Variants in FUBP1 observed in about 807,000 individuals in gnomAD.
FUBP1 encodes far upstream element-binding protein 1.
A neutral mutation model predicts 94.9 loss-of-function variants in FUBP1; 16 were observed. The observed-to-expected ratio is 0.17, with a 90% CI of 0.11 to 0.26. The LOEUF is 0.26. Among genes scored for constraint, FUBP1 ranks in the 10% least tolerant of loss-of-function variants. The pLI is 1.00. For synonymous variants in FUBP1, 279 were observed against 254.9 expected (o/e 1.09, Z -0.90); for missense variants, 583 against 808.6 (o/e 0.72, Z 3.38).
At chr1:77,959,670 T>C (rs555630627) in intron 16 of FUBP1, among the ~76,000 whole-genome samples, 1 of 152,174 alleles carries the variant, frequency 6.6e-6, no homozygotes, top group East Asian at 1.9e-4. Context: ...CAGCCTCAAG[T>C]ACAGGCACAT....
chr1:77,948,463 C>T lies in FUBP1; in HGVS notation c.*303G>A. ...CAGGCATTTTAAAAGTGAAAGTATA[C>T]ATTGAAAAAGTACATTTATATCACA... is the stretch of plus-strand genomic sequence containing the variant. On this transcript the variant is annotated 3_prime_UTR_variant, in exon 20 of 20. Coordinates refer to ENST00000370768, the MANE Select transcript of FUBP1 (RefSeq NM_003902.5). 8.5e-7 allele frequency: 1 copy of T among 1,174,342 alleles called. No homozygotes were observed. Among genetic ancestry groups the T allele is most frequent in the Non-Finnish European group, 1.1e-6 (1 of 949,430 alleles). 72.7% of individuals were successfully genotyped at this position (1,174,342 alleles called of 1,614,324 possible).
chr1:77,979,209 AG>A (rs936128493), upstream of FUBP1: 2 of 559,326 alleles, frequency 3.6e-6, no homozygotes, highest in Non-Finnish European at 6.3e-6. Flanking sequence ...AAAGAACGAC[AG>A]GAACAGAGAC....
rs1161376922 is a variant in FUBP1 at position 77,948,155 on chromosome 1, C to T, written c.*611G>A. ...GCCAAAAGATCATTGTACACACATG[C>T]AGTTTTTAATCAAACAGAAGGAAAA... On this transcript the variant is annotated 3_prime_UTR_variant, in exon 20 of 20. Coordinates refer to ENST00000370768, the MANE Select transcript of FUBP1 (RefSeq NM_003902.5). 1.8e-5 allele frequency: 19 copies of T among 1,039,556 alleles called. No individual in the cohort carries two copies. The highest frequency in any genetic ancestry group is 2.1e-5 in the Non-Finnish European group (18 of 862,536). 64.4% of individuals were successfully genotyped at this position (1,039,556 alleles called of 1,614,324 possible).
chr1:77,950,928 T>C (rs1653345067), intron 18 of FUBP1, among the ~76,000 whole-genome samples: 1 of 152,054 alleles, frequency 6.6e-6, no homozygotes, highest in Non-Finnish European at 1.5e-5. Context: ...TTTTCTTGGG[T>C]AACAGAGAAC....
At chr1:77,978,775 C>A in intron 1 of FUBP1, 110 bp downstream of exon 1, 1 of 1,332,156 alleles carries the variant, frequency 7.5e-7, no homozygotes, top group Non-Finnish European at 1.1e-6. Flanking sequence ...ACATTTCAGC[C>A]CGGAAGAACA....
intron 13 of FUBP1, 71 bp from the exon 14 acceptor site, chr1:77,963,001 T>C (rs1004576674): frequency 1.2e-5 from 12 of 1,010,742 alleles, no homozygotes; most frequent in Non-Finnish European, 1.8e-5. Context: ...AAGAAAATGG[T>C]CACAATTAAA....
chr1:77,960,155 AT>A, intron 16 of FUBP1, 28 bp downstream of exon 16: 1 of 1,476,134 alleles, frequency 6.8e-7, no homozygotes. Flanking sequence ...AATAATACAG[AT>A]AACACACAAA....
rs550220396 is a variant in FUBP1, at chr1:77,978,755, G to C, written c.120+130C>G. The stretch of plus-strand genomic sequence containing the variant: ...ATCGTTATTACCAACATGGGGAAAC[G>C]TGTCTCTTCACATTTCAGCCCGGAA... On this transcript the variant is annotated intron_variant, in intron 1 of 19. Coordinates refer to ENST00000370768, the MANE Select transcript of FUBP1 (RefSeq NM_003902.5). 5.2e-5 allele frequency: 60 copies of C among 1,144,112 alleles called. 1 individual carries two copies. The South Asian group carries it at 6.7e-4, about 13-fold the overall frequency. The allele number at this position is 1,144,112 out of a possible 1,614,324, so 70.9% of individuals were successfully genotyped here.
At chr1:77,960,645 A>C in intron 14 of FUBP1, 150 bp from the exon 15 acceptor site, 1 of 575,448 alleles carries the variant, frequency 1.7e-6, no homozygotes, top group Non-Finnish European at 3.0e-6. Context: ...TTTTGCAAAA[A>C]CTATTTCATC....
At chr1:77,964,410 A>G (rs1036349751) in intron 10 of FUBP1, 54 bp from the exon 11 acceptor site, 2 of 1,083,556 alleles carry the variant, frequency 1.8e-6, no homozygotes, top group Non-Finnish European at 2.7e-6. Flanking sequence ...GGTTTAAAGT[A>G]AAAAAAAGTA....
chr1:77,978,524 AAACTCATTACCAG>A (rs1659182088), intron 1 of FUBP1, among the ~76,000 whole-genome samples: 1 of 152,212 alleles, frequency 6.6e-6, no homozygotes, highest in Non-Finnish European at 1.5e-5. Context: ...GTTCTTTCCC[AAACTCATTACCAG>A]AACCTTCCAT....
At chr1:77,962,314 AT>A (rs1366528007) in intron 14 of FUBP1, among the ~76,000 whole-genome samples, 2 of 152,176 alleles carry the variant, frequency 1.3e-5, no homozygotes, top group African/African-American at 4.8e-5. Flanking sequence ...AATAGTCTAC[AT>A]TTTAATACCC....
chr1:77,979,178 C>G (rs1286766831), upstream of FUBP1: 14 of 645,058 alleles, frequency 2.2e-5, no homozygotes, highest in Admixed American at 3.2e-4. Flanking sequence ...AGGCAACGCG[C>G]TGGTGTGGGT....
intron 1 of FUBP1, among the ~76,000 whole-genome samples, chr1:77,972,771 AAAAAGAAAAG>A (rs372242562): frequency 9.0e-4 from 136 of 151,634 alleles, no homozygotes; most frequent in African/African-American, 2.7e-3. Flanking sequence ...CAAAAAAGAA[AAAAAGAAAAG>A]AAAAGAAAAG....
At chr1:77,977,936 A>G (rs914844002) in intron 1 of FUBP1, among the ~76,000 whole-genome samples, 20 of 152,256 alleles carry the variant, frequency 1.3e-4, no homozygotes, top group African/African-American at 4.3e-4. Context: ...TAATGCAACG[A>G]AAACACAGCA....
At chr1:77,972,217 C>G (rs1315713979) in intron 1 of FUBP1, among the ~76,000 whole-genome samples, 1 of 152,082 alleles carries the variant, frequency 6.6e-6, no homozygotes, top group African/African-American at 2.4e-5. Flanking sequence ...AAATACACTG[C>G]TGGGTATCGA....
intron 18 of FUBP1, among the ~76,000 whole-genome samples, chr1:77,952,163 G>A (rs1653579906): frequency 6.6e-6 from 1 of 151,912 alleles, no homozygotes; most frequent in Non-Finnish European, 1.5e-5. Flanking sequence ...GCTTCAACCT[G>A]GGAGGTGGAT....
intron 1 of FUBP1, among the ~76,000 whole-genome samples, chr1:77,971,614 C>T (rs1389871336): frequency 1.3e-5 from 2 of 152,026 alleles, no homozygotes; most frequent in East Asian, 3.8e-4. Flanking sequence ...AACTGTATTT[C>T]CTAGGACTCA....
chr1:77,952,643 C>A (rs1653695137), intron 18 of FUBP1, among the ~76,000 whole-genome samples: 1 of 152,120 alleles, frequency 6.6e-6, no homozygotes, highest in Admixed American at 6.5e-5. Context: ...GAAGACTGAA[C>A]CAAGTTTTAT....
Sources: gnomAD v4.1 joint callset for allele counts (sites outside exome capture counted in the v4.1 genomes callset) on GRCh38, gnomAD v4.1.1 for gene constraint, MANE v1.5 for transcripts, NCBI Gene and HGNC (gene_info 2026-07-23, HGNC 2026-07-21) for gene names.